PRR12: variants seen among roughly 807,000 people sequenced by gnomAD.
The protein encoded by PRR12 is proline-rich protein 12.
In PRR12, 12 loss-of-function variants were observed where a neutral mutation model predicts 138.0. The ratio of observed to expected loss-of-function variants is 0.09; its 90% CI spans 0.06 to 0.14. The LOEUF (loss-of-function observed/expected upper bound fraction) is 0.14. Ranked by LOEUF, PRR12 falls within the 10% of genes least tolerant of loss-of-function variation. The pLI, the probability that PRR12 is intolerant of heterozygous loss-of-function variation, is 1.00. For missense variants in PRR12, 2,692 were observed against 2,861.3 expected, an observed-to-expected ratio of 0.94 and a Z score of 1.35; for synonymous variants, 1,567 against 1,291.7, an observed-to-expected ratio of 1.21 and a Z score of -4.57.
Position 49,617,167 on chromosome 19 carries a change from A to G in PRR12, c.5497+948A>G, listed in dbSNP as rs556368346. ...AAAAAGTCTGGTTAGTGATGACAAT[A>G]ACAACAACAAAAATAAATATATATT... On this transcript the variant is annotated intron_variant, in intron 9 of 13. Transcript: ENST00000418929. Among the ~76,000 whole-genome samples, 7 of 152,238 alleles carry G rather than the reference A, an allele frequency of 4.6e-5. No individual in the cohort carries two copies. In the South Asian group the frequency reaches 1.5e-3, roughly 32 times the overall value.
At chr19:49,610,544 C>CTCTTTTTTTTTT (rs1402169174) in intron 6 of PRR12, among the ~76,000 whole-genome samples, 1 of 89,800 alleles carries the variant, frequency 1.1e-5, no homozygotes, top group African/African-American at 7.9e-5. Context: ...AACCCTGTTC[C>CTCTTTTTTTTTT]TATTTTTTTT....
At chr19:49,623,429 A>G (rs999883989) in intron 11 of PRR12, among the ~76,000 whole-genome samples, 1 of 151,890 alleles carries the variant, frequency 6.6e-6, no homozygotes, top group Non-Finnish European at 1.5e-5. Context: ...ACCAATAACA[A>G]CCCATCCTGG....
rs536980317 is a variant in PRR12 at position 49,625,715 on chromosome 19, C to G, written c.*108C>G. On this transcript the variant is annotated 3_prime_UTR_variant, in exon 14 of 14. Transcript: ENST00000418929. The surrounding 1 kb of genome is among the most constrained non-coding windows in gnomAD (Gnocchi z 5.5). ...GGCTCCATCGCCGGGGAAAGGGGGT[C>G]ATGGGTCAGGGTGTGTCTGTGCTGC... 1.5e-4 allele frequency: 218 copies of G among 1,413,918 alleles called. 1 individual carries two copies. In the African/African-American group the frequency reaches 2.7e-3, roughly 18 times the overall value. The allele number at this position is 1,413,918 out of a possible 1,614,324, so 87.6% of individuals were successfully genotyped here.
At chr19:49,592,160 C>T (rs2122276559) in intron 1 of PRR12, among the ~76,000 whole-genome samples, 1 of 152,262 alleles carries the variant, frequency 6.6e-6, no homozygotes, top group South Asian at 2.1e-4. Context: ...CGCGAACCCC[C>T]TCTCAGGTCC....
intron 9 of PRR12, among the ~76,000 whole-genome samples, chr19:49,617,784 A>G (rs1045909743): frequency 2.0e-5 from 3 of 152,170 alleles, no homozygotes; most frequent in Admixed American, 6.6e-5. Context: ...CTTTCCATCA[A>G]AGCCCTGATA....
chr19:49,599,603 C>A lies in PRR12; in HGVS notation c.4010C>A (p.Pro1337His). ...PATPAVPHPP[P>H]SGAFGLGGAL... ...ACCCCTGCTGTGCCACATCCCCCACCTTCCGGAGCCTTTGGGCTTGGGGGC... is the reference window on the plus strand; with the variant it reads ...ACCCCTGCTGTGCCACATCCCCCACATTCCGGAGCCTTTGGGCTTGGGGGC... The change falls in exon 5 of 14, where the codon CCT (proline) becomes CAT (histidine). Residue 1337 changes from proline (P) to histidine (H), a missense_variant. Pro to His is a moderately conservative substitution (Grantham distance 77). Coordinates refer to ENST00000418929, the MANE Select transcript of PRR12 (RefSeq NM_020719.3). The surrounding 1 kb of genome is among the most constrained non-coding windows in gnomAD (Gnocchi z 5.0). 6.3e-7 allele frequency: 1 copy of A among 1,599,228 alleles called. No homozygotes were observed. Among genetic ancestry groups the A allele is most frequent in the African/African-American group, 1.3e-5 (1 of 74,718 alleles).
intron 1 of PRR12, among the ~76,000 whole-genome samples, chr19:49,592,172 A>G (rs940869298): frequency 1.3e-5 from 2 of 151,726 alleles, no homozygotes; most frequent in Non-Finnish European, 2.9e-5. Flanking sequence ...CTCAGGTCCT[A>G]TTGTTCCGGG....
intron 6 of PRR12, among the ~76,000 whole-genome samples, chr19:49,606,565 C>G (rs1423859007): frequency 1.3e-5 from 2 of 151,686 alleles, no homozygotes; most frequent in African/African-American, 4.8e-5. Context: ...CCCCGCCCCC[C>G]AACCTTGGCC....
In PRR12 at chr19:49,616,250, G is replaced by A. The variant is rs1469125645; in HGVS notation, c.5497+31G>A. 8 of 1,479,370 alleles carry A rather than the reference G, an allele frequency of 5.4e-6. No homozygotes were observed. The highest frequency in any genetic ancestry group is 1.4e-5 in the African/African-American group (1 of 70,946). 91.6% of individuals were successfully genotyped at this position (1,479,370 alleles called of 1,614,324 possible). A position where few individuals can be genotyped will look rare whatever the true frequency, so the allele number is the denominator to read the frequency against. The stretch of plus-strand genomic sequence containing the variant: ...GCCCTAGGCAGCCTCAGGGCTGCAG[G>A]GGTGGGTGGGGAAGGGACACAGGTG... On this transcript the variant is annotated intron_variant, in intron 9 of 13. Transcript: ENST00000418929. The surrounding 1 kb of genome is among the most constrained non-coding windows in gnomAD (Gnocchi z 4.2).
chr19:49,599,360 C>T lies in PRR12; in HGVS notation c.3767C>T (p.Ser1256Leu), dbSNP rs777764883. Residue 1256 changes from serine to leucine, a missense_variant, in exon 5 of 14, where the codon TCG becomes TTG. By Grantham distance (145) the Ser-to-Leu change is moderately radical (BLOSUM62 -2). Around this residue, in one of 11 missense-constraint regions of PRR12, gnomAD observed 326 missense variants for 344.2 expected, o/e 0.95. Transcript: ENST00000418929. This position sits in a 1 kb window ranked among gnomAD's most constrained non-coding sequence, Gnocchi z 5.0. ...GGCACTGACCACAACAGCCTGGACT[C>T]GAGCCTGACTCGGGAGAAGATCGAG... ...ISGTDHNSLDSSLTREKIEAK... is the reference protein window; with the variant it reads ...ISGTDHNSLDLSLTREKIEAK... 4.3e-6 allele frequency: 7 copies of T among 1,613,010 alleles called. No individual in the cohort carries two copies. The highest frequency in any genetic ancestry group is 2.7e-5 in the African/African-American group (2 of 74,910).
In PRR12 at chr19:49,597,094, G is replaced by T; in HGVS notation, c.2759G>T (p.Gly920Val). The T allele has an allele frequency of 6.4e-7, 1 of 1,551,460 alleles. No homozygotes were observed. The highest frequency in any genetic ancestry group is 8.7e-7 in the Non-Finnish European group (1 of 1,147,736). Residue 920 changes from glycine to valine, a missense_variant, in exon 4 of 14, where the codon GGC (glycine) becomes GTC (valine). Physicochemically the swap from Gly to Val is moderately radical, Grantham distance 109. Around this residue, in one of 11 missense-constraint regions of PRR12, gnomAD observed 840 missense variants for 689.8 expected, o/e 1.22. Coordinates refer to ENST00000418929, the MANE Select transcript of PRR12 (RefSeq NM_020719.3). This position sits in a 1 kb window ranked among gnomAD's most constrained non-coding sequence, Gnocchi z 6.3. ...GCCTACCGCAGCCCCAGCCCGCAAG[G>T]CACCAAGGCGCCGCGTTTCGTGCCG... ...AGAYRSPSPQ[G>V]TKAPRFVPLT... is the part of the protein sequence containing the mutation.
At position 49,594,594 on chromosome 19, in the gene PRR12, C is replaced by G. The variant is rs762723920; in HGVS notation, c.340C>G (p.Arg114Gly). Residue 114 changes from arginine (R) to glycine (G), a missense_variant, in exon 3 of 14, where the codon CGC becomes GGC. Physicochemically the swap from Arg to Gly is moderately radical, Grantham distance 125. Around this residue, in one of 11 missense-constraint regions of PRR12, gnomAD observed 211 missense variants for 266.3 expected, o/e 0.79. Transcript: ENST00000418929. This position sits in a 1 kb window ranked among gnomAD's most constrained non-coding sequence, Gnocchi z 5.6. ...PSASSLLSQFRSPSWQTAMHT... is the reference protein window; with the variant it reads ...PSASSLLSQFGSPSWQTAMHT... The stretch of plus-strand genomic sequence containing the variant: ...CGCCTCCTCTCTCCTCTCCCAGTTC[C>G]GCAGTCCTTCCTGGCAAACAGGTAA... 6.8e-6 allele frequency: 11 copies of G among 1,612,612 alleles called. No individual in the cohort carries two copies. The highest frequency in any genetic ancestry group is 9.3e-6 in the Non-Finnish European group (11 of 1,179,670).
Position 49,597,351 on chromosome 19 carries a change from C to G in PRR12, c.3016C>G (p.Pro1006Ala), listed in dbSNP as rs893792974. Residue 1006 changes from proline to alanine, a missense_variant, in exon 4 of 14, where the codon CCG becomes GCG. Physicochemically the swap from Pro to Ala is conservative, Grantham distance 27. Coordinates refer to ENST00000418929, the MANE Select transcript of PRR12 (RefSeq NM_020719.3). This position sits in a 1 kb window ranked among gnomAD's most constrained non-coding sequence, Gnocchi z 6.3. ...GRASGAGPET[P>A]GLGLDPNKPP... ...GGCGTCGGGAGCCGGGCCCGAGACA[C>G]CGGGCCTGGGCCTGGACCCCAACAA... The G allele has an allele frequency of 1.3e-6, 2 of 1,540,004 alleles. No homozygotes were observed. The highest frequency in any genetic ancestry group is 8.7e-7 in the Non-Finnish European group (1 of 1,147,172).
At position 49,620,500 on chromosome 19, in the gene PRR12, G is replaced by C. The variant is rs565371962; in HGVS notation, c.5623+23G>C. 1.2e-5 allele frequency: 13 copies of C among 1,047,126 alleles called. No homozygotes were observed. The East Asian group carries it at 1.3e-4, about 11-fold the overall frequency. 64.9% of individuals were successfully genotyped at this position (1,047,126 alleles called of 1,614,324 possible). ...ATGGTGAGCTGAGGCCTGGGGAGGA[G>C]GGGGGGGGGCTGACTCGGTCTGAGG... is the stretch of plus-strand genomic sequence containing the variant. On this transcript the variant is annotated intron_variant, in intron 10 of 13. Transcript: ENST00000418929.
At chr19:49,618,907 A>G (rs2080906230) in intron 9 of PRR12, among the ~76,000 whole-genome samples, 2 of 151,412 alleles carry the variant, frequency 1.3e-5, no homozygotes, top group African/African-American at 4.9e-5. Context: ...GGATCTTTCT[A>G]CGCTTACACT....
rs1445521213 is a variant in PRR12 at position 49,598,028 on chromosome 19, G to A, written c.3678+15G>A. 32 of 1,345,910 alleles carry A rather than the reference G, an allele frequency of 2.4e-5. No homozygotes were observed. In the East Asian group the frequency reaches 9.1e-4, roughly 38 times the overall value. 83.4% of individuals were successfully genotyped at this position (1,345,910 alleles called of 1,614,324 possible). A position where few individuals can be genotyped will look rare whatever the true frequency, so the allele number is the denominator to read the frequency against. On this transcript the variant is annotated intron_variant, in intron 4 of 13. Coordinates refer to ENST00000418929, the MANE Select transcript of PRR12 (RefSeq NM_020719.3). ...AGCCACTTAAGGTGAGGGGAAATGG[G>A]GTCTTGTAGGGGATAGGGGAGGAGG...
Position 49,594,563 on chromosome 19 carries a change from C to T in PRR12, c.309C>T (p.Gly103=). ...TGGAATCCCGGGGCCCCCAGCCTGG[C>T]CCCTCCGCCTCCTCTCTCCTCTCCC... is the stretch of plus-strand genomic sequence containing the variant. The part of the protein sequence containing the change: ...SALESRGPQP[G]PSASSLLSQF... The change falls in exon 3 of 14, where the codon GGC becomes GGT. Residue 103 remains glycine, a synonymous_variant. Transcript: ENST00000418929. The surrounding 1 kb of genome is among the most constrained non-coding windows in gnomAD (Gnocchi z 5.6). The T allele has an allele frequency of 1.9e-6, 3 of 1,612,946 alleles. No individual in the cohort carries two copies. The highest frequency in any genetic ancestry group is 2.5e-6 in the Non-Finnish European group (3 of 1,179,482).
At chr19:49,618,703 T>C (rs1334775441) in intron 9 of PRR12, among the ~76,000 whole-genome samples, 1 of 152,054 alleles carries the variant, frequency 6.6e-6, no homozygotes, top group Non-Finnish European at 1.5e-5. Flanking sequence ...TCTTTTCTTT[T>C]TCTACCTGTC....
chr19:49,597,152 C>G lies in PRR12; in HGVS notation c.2817C>G (p.Leu939=). The change falls in exon 4 of 14, where the codon CTC becomes CTG. Residue 939 remains leucine (L), a synonymous_variant. Coordinates refer to ENST00000418929, the MANE Select transcript of PRR12 (RefSeq NM_020719.3). The surrounding 1 kb of genome is among the most constrained non-coding windows in gnomAD (Gnocchi z 6.3). The part of the protein sequence containing the change: ...LTSICFPDSL[L]QDEERSFFPT... ...CCATCTGCTTCCCTGACTCCTTGCTCCAAGACGAGGAGCGCAGCTTCTTCC... is the reference window on the plus strand; with the variant it reads ...CCATCTGCTTCCCTGACTCCTTGCTGCAAGACGAGGAGCGCAGCTTCTTCC... The G allele has an allele frequency of 6.4e-7, 1 of 1,551,936 alleles. No individual in the cohort carries two copies. Among genetic ancestry groups the G allele is most frequent in the Non-Finnish European group, 8.7e-7 (1 of 1,147,820 alleles).
Sources: allele counts gnomAD v4.1 joint callset (sites outside exome capture counted in the v4.1 genomes callset), GRCh38; gene constraint gnomAD v4.1.1; regional missense constraint gnomAD v4.1.1; non-coding constraint Gnocchi (gnomAD v3.1); transcripts MANE v1.5; gene names NCBI Gene and HGNC (gene_info 2026-07-23, HGNC 2026-07-21).